CACNA1I: variants seen among roughly 807,000 people sequenced by gnomAD.
CACNA1I encodes voltage-dependent T-type calcium channel subunit alpha-1I.
In CACNA1I, 74 loss-of-function variants were observed where a neutral mutation model predicts 201.6. The observed-to-expected ratio is 0.37, with a 90% confidence interval of 0.30 to 0.45. CACNA1I has a LOEUF of 0.45. Ranked by LOEUF, CACNA1I falls within the 20% of genes least tolerant of loss-of-function variation. The pLI is 1.00. For missense variants in CACNA1I, 2,346 were observed against 3,138.1 expected, an observed-to-expected ratio of 0.75 and a Z score of 6.03; for synonymous variants, 1,431 against 1,345.2, an observed-to-expected ratio of 1.06 and a Z score of -1.40.
chr22:39,607,243 G>T (rs1385107780), intron 3 of CACNA1I, among the ~76,000 whole-genome samples: 3 of 152,346 alleles, frequency 2.0e-5, no homozygotes, highest in African/African-American at 7.2e-5. Flanking sequence ...GAATGGAACA[G>T]CTGAGGGCAG....
At position 39,649,451 on chromosome 22, in the gene CACNA1I, T is replaced by C; in HGVS notation, c.1568-50T>C. On this transcript the variant is annotated intron_variant, in intron 9 of 36. Coordinates refer to ENST00000402142, the MANE Select transcript of CACNA1I (RefSeq NM_021096.4). The surrounding 1 kb of genome is among the most constrained non-coding windows in gnomAD (Gnocchi z 7.3). ...ACTCAGGGATGTGTCCCAGGGTGGA[T>C]TGGGCCTGGTGTGGGCAACGACTCT... 6.7e-7 allele frequency: 1 copy of C among 1,492,332 alleles called. No homozygotes were observed. The highest frequency in any genetic ancestry group is 1.3e-5 in the South Asian group (1 of 74,840). The allele number at this position is 1,492,332 out of a possible 1,614,324, so 92.4% of individuals were successfully genotyped here. A position where few individuals can be genotyped will look rare whatever the true frequency, so the allele number is the denominator to read the frequency against.
At position 39,660,411 on chromosome 22, in the gene CACNA1I, T is replaced by A; in HGVS notation, c.2672T>A (p.Leu891His). The A allele has an allele frequency of 6.2e-7, 1 of 1,612,274 alleles. No homozygotes were observed. ...SSSNIEEFDK[L>H]QEGLDSSGDP... is the part of the protein sequence containing the mutation. ...TCCAACATAGAAGAGTTTGATAAGC[T>A]CCAGGAAGGCCTGGACAGCAGCGGA... Residue 891 changes from leucine (L) to histidine (H), a missense_variant, in exon 15 of 37, where the codon CTC (leucine) becomes CAC (histidine). Leu to His is a moderately conservative substitution (Grantham distance 99). Coordinates refer to ENST00000402142, the MANE Select transcript of CACNA1I (RefSeq NM_021096.4).
intron 4 of CACNA1I, among the ~76,000 whole-genome samples, chr22:39,634,085 G>A (rs1244770727): frequency 2.0e-5 from 3 of 152,228 alleles, no homozygotes; most frequent in Non-Finnish European, 2.9e-5. Flanking sequence ...CAAGGGGGTT[G>A]TGAAAAGACA....
Position 39,664,776 on chromosome 22 carries a change from A to G in CACNA1I, c.3704A>G (p.Tyr1235Cys). 1.9e-6 allele frequency: 3 copies of G among 1,544,850 alleles called. No individual in the cohort carries two copies. The highest frequency in any genetic ancestry group is 2.6e-6 in the Non-Finnish European group (3 of 1,141,354). ...SLGLYFGEQA[Y>C]LRSSWNVLDG... ...GGCCTGTACTTCGGCGAGCAGGCGTACCTACGCAGCAGCTGGAACGTGCTG... is the reference window on the plus strand; with the variant it reads ...GGCCTGTACTTCGGCGAGCAGGCGTGCCTACGCAGCAGCTGGAACGTGCTG... The change falls in exon 21 of 37, where the codon TAC becomes TGC. Residue 1235 changes from tyrosine (Y) to cysteine (C), a missense_variant. Tyr to Cys is a radical substitution (Grantham distance 194, BLOSUM62 -2). Transcript: ENST00000402142.
intron 1 of CACNA1I, among the ~76,000 whole-genome samples, chr22:39,582,431 C>T (rs1179390064): frequency 6.6e-6 from 1 of 152,042 alleles, no homozygotes; most frequent in Non-Finnish European, 1.5e-5. Flanking sequence ...CTACAGTGCA[C>T]AGGATAGAGG....
At chr22:39,673,438 G>A (rs1451659496) in intron 28 of CACNA1I, among the ~76,000 whole-genome samples, 2 of 152,182 alleles carry the variant, frequency 1.3e-5, no homozygotes, top group South Asian at 2.1e-4. Flanking sequence ...CCAGTTCCTC[G>A]CTGGCATTTC....
intron 18 of CACNA1I, 124 bp from the exon 19 acceptor site, chr22:39,663,594 G>A: frequency 8.7e-7 from 1 of 1,151,932 alleles, no homozygotes; most frequent in Non-Finnish European, 1.2e-6. Context: ...CTGGCCAGAG[G>A]AGAGGATAGG....
chr22:39,668,203 G>A (rs1040497710), intron 23 of CACNA1I, 89 bp from the exon 24 acceptor site: 5 of 763,646 alleles, frequency 6.5e-6, no homozygotes, highest in Non-Finnish European at 9.2e-6. Context: ...CCTCCCAAGG[G>A]CAGAAGAATA....
intron 33 of CACNA1I, 74 bp downstream of exon 33, chr22:39,679,942 G>A: frequency 2.1e-6 from 3 of 1,453,904 alleles, no homozygotes; most frequent in Non-Finnish European, 9.4e-7. Flanking sequence ...CTGTCCGAGG[G>A]CAGAGCCTGG....
chr22:39,654,558 C>T (rs1029611508), intron 10 of CACNA1I, among the ~76,000 whole-genome samples: 1 of 152,212 alleles, frequency 6.6e-6, no homozygotes, highest in Non-Finnish European at 1.5e-5. Context: ...CTTCCTTCAG[C>T]AGCCCCTTAC....
At chr22:39,620,632 T>G (rs1933717860) in intron 4 of CACNA1I, among the ~76,000 whole-genome samples, 1 of 152,068 alleles carries the variant, frequency 6.6e-6, no homozygotes, top group Non-Finnish European at 1.5e-5. Context: ...AAGGCTGGAG[T>G]CAGTTAGGTC....
chr22:39,614,894 C>T (rs1933486858), intron 3 of CACNA1I, among the ~76,000 whole-genome samples: 1 of 152,222 alleles, frequency 6.6e-6, no homozygotes, highest in Non-Finnish European at 1.5e-5. Context: ...TTTAAAGCAA[C>T]ATTACTTACC....
intron 7 of CACNA1I, among the ~76,000 whole-genome samples, chr22:39,644,855 TG>T (rs1174119863): frequency 6.6e-6 from 1 of 151,608 alleles, no homozygotes; most frequent in African/African-American, 2.4e-5. Context: ...GCCTGGCTAA[TG>T]TTTAAATTTT....
At chr22:39,575,848 C>T (rs536503409) in intron 1 of CACNA1I, among the ~76,000 whole-genome samples, 121 of 151,772 alleles carry the variant, frequency 8.0e-4, no homozygotes, top group African/African-American at 2.8e-3. Context: ...GATCTTGGCT[C>T]ACTGCAACCT....
intron 5 of CACNA1I, among the ~76,000 whole-genome samples, chr22:39,635,504 G>T (rs73885294): frequency 6.6e-6 from 1 of 152,192 alleles, no homozygotes; most frequent in African/African-American, 2.4e-5. Context: ...TCTCCCTCCC[G>T]GCCTGGTTGG....
At chr22:39,651,093 C>T (rs942684323) in intron 10 of CACNA1I, among the ~76,000 whole-genome samples, 1 of 152,198 alleles carries the variant, frequency 6.6e-6, no homozygotes. Flanking sequence ...AACCCACTCC[C>T]CAGCTCTGCG....
At chr22:39,581,800 G>A (rs1464371680) in intron 1 of CACNA1I, among the ~76,000 whole-genome samples, 2 of 152,194 alleles carry the variant, frequency 1.3e-5, no homozygotes, top group Non-Finnish European at 2.9e-5. Context: ...GATGTCTTCT[G>A]CTAATCTGTC....
At chr22:39,579,125 G>A (rs1250042544) in intron 1 of CACNA1I, among the ~76,000 whole-genome samples, 1 of 152,230 alleles carries the variant, frequency 6.6e-6, no homozygotes, top group Non-Finnish European at 1.5e-5. Flanking sequence ...TTACGCCTCT[G>A]ACGTTACCAT....
At position 39,684,433 on chromosome 22, in the gene CACNA1I, A is replaced by G; in HGVS notation, c.5962A>G (p.Ile1988Val). The part of the protein sequence containing the change: ...KGTGTGTLPK[I>V]ALQGSWASLR... ...CACTGGCACTGGAACCCTCCCCAAG[A>G]TTGCGCTGCAGGGCTCCTGGGCATC... The change falls in exon 36 of 37, where the codon ATT (isoleucine) becomes GTT (valine). Residue 1988 changes from isoleucine to valine, a missense_variant. Ile to Val is a conservative substitution (Grantham distance 29). Around this residue, in one of 13 missense-constraint regions of CACNA1I, gnomAD observed 441 missense variants for 555.6 expected, o/e 0.79. Transcript: ENST00000402142. The surrounding 1 kb of genome is among the most constrained non-coding windows in gnomAD (Gnocchi z 4.6). 6.2e-7 allele frequency: 1 copy of G among 1,613,524 alleles called. No homozygotes were observed. Among genetic ancestry groups the G allele is most frequent in the Non-Finnish European group, 8.5e-7 (1 of 1,179,874 alleles).
Sources: allele counts gnomAD v4.1 joint callset (sites outside exome capture counted in the v4.1 genomes callset), GRCh38; gene constraint gnomAD v4.1.1; regional missense constraint gnomAD v4.1.1; non-coding constraint Gnocchi (gnomAD v3.1); transcripts MANE v1.5; gene names NCBI Gene and HGNC (gene_info 2026-07-23, HGNC 2026-07-21).